YIF1A: variants seen among roughly 807,000 people sequenced by gnomAD.
YIF1A encodes the protein Yip1 interacting factor homolog A, membrane trafficking protein, also known as protein YIF1A.
A neutral mutation model predicts 32.6 loss-of-function variants in YIF1A; 28 were observed. That is an observed-to-expected ratio of 0.86 (90% CI 0.64 to 1.18). The LOEUF is 1.18. Ranked by LOEUF, YIF1A falls within the 50% of genes most tolerant of loss-of-function variation. YIF1A has a pLI of 0.00. For missense variants in YIF1A, 373 were observed against 390.8 expected, an observed-to-expected ratio of 0.95 and a Z score of 0.38; for synonymous variants, 175 against 162.2, an observed-to-expected ratio of 1.08 and a Z score of -0.60.
Position 66,288,238 on chromosome 11 carries a change from G to C in YIF1A, c.86C>G (p.Thr29Arg), listed in dbSNP as rs1402946685. The change falls in exon 2 of 8, where the codon ACA becomes AGA. Residue 29 changes from threonine to arginine, a missense_variant. Thr to Arg is a moderately conservative substitution (Grantham distance 71). Transcript: ENST00000376901. Reference sequence around the variant, plus strand: ...GGGCTGGCTGGAATAACCACCGCTTGTGTCATCGAAGAGGGGAGGGGGATC... The same window carrying C: ...GGGCTGGCTGGAATAACCACCGCTTCTGTCATCGAAGAGGGGAGGGGGATC... ...APDPPPLFDDTSGGYSSQPGG... is the reference protein window; with the variant it reads ...APDPPPLFDDRSGGYSSQPGG... 6.2e-7 allele frequency: 1 copy of C among 1,614,002 alleles called. No individual in the cohort carries two copies. Among genetic ancestry groups the C allele is most frequent in the South Asian group, 1.1e-5 (1 of 91,094 alleles).
At chr11:66,288,007 A>G (rs1347625283) in intron 2 of YIF1A, 74 bp downstream of exon 2, 1 of 1,606,788 alleles carries the variant, frequency 6.2e-7, no homozygotes, top group African/African-American at 1.3e-5. Context: ...CACTGTGAGG[A>G]ATCGGGTGGA....
chr11:66,286,589 T>C lies in YIF1A; in HGVS notation c.428-831A>G, dbSNP rs542051234. Among the ~76,000 whole-genome samples the C allele has an allele frequency of 3.9e-5, 6 of 152,048 alleles. No individual in the cohort carries two copies. In the South Asian group the frequency reaches 1.2e-3, roughly 32 times the overall value. On this transcript the variant is annotated intron_variant, in intron 4 of 7. Transcript: ENST00000376901. The stretch of plus-strand genomic sequence containing the variant: ...CTGCAGTGAGCCAAGATCACACCAC[T>C]GTACTCCAGACTGGGTGACAGAGTG...
At chr11:66,288,856 G>T in intron 1 of YIF1A, 99 bp downstream of exon 1, 1 of 1,332,384 alleles carries the variant, frequency 7.5e-7, no homozygotes, top group South Asian at 1.6e-5. Flanking sequence ...CCCCCGCCCT[G>T]GGCGGCGGTC....
Position 66,287,626 on chromosome 11 carries a change from G to C in YIF1A, c.399C>G (p.Asp133Glu), listed in dbSNP as rs943318452. Residue 133 changes from aspartate to glutamate, a missense_variant, in exon 4 of 8, where the codon GAC (aspartate) becomes GAG (glutamate). By Grantham distance (45) the Asp-to-Glu change is conservative. Transcript: ENST00000376901. ...SRDAPLPPRQ[D>E]LNAPDLYIPT... ...GGATATAGAGGTCAGGGGCGTTGAGGTCTTGCCGGGGGGGCAGAGGAGCAT... is the reference window on the plus strand; with the variant it reads ...GGATATAGAGGTCAGGGGCGTTGAGCTCTTGCCGGGGGGGCAGAGGAGCAT... 1.2e-5 allele frequency: 19 copies of C among 1,613,706 alleles called. No individual in the cohort carries two copies. Among genetic ancestry groups the C allele is most frequent in the Non-Finnish European group, 1.6e-5 (19 of 1,179,988 alleles).
rs748324051 is a variant in YIF1A at position 66,287,634 on chromosome 11, G to C, written c.391C>G (p.Arg131Gly). 26 of 1,612,846 alleles carry C rather than the reference G, an allele frequency of 1.6e-5. No homozygotes were observed. Among genetic ancestry groups the C allele is most frequent in the Middle Eastern group, 1.7e-4 (1 of 6,060 alleles). ...QYSRDAPLPP[R>G]QDLNAPDLYI... ...AGGTCAGGGGCGTTGAGGTCTTGCC[G>C]GGGGGGCAGAGGAGCATCACGACTG... The change falls in exon 4 of 8, where the codon CGG (arginine) becomes GGG (glycine). Residue 131 changes from arginine (R) to glycine (G), a missense_variant. By Grantham distance (125) the Arg-to-Gly change is moderately radical (BLOSUM62 -2). Transcript: ENST00000376901.
At chr11:66,285,856 C>T (rs1857348940) in intron 4 of YIF1A, 98 bp from the exon 5 acceptor site, 1 of 1,362,826 alleles carries the variant, frequency 7.3e-7, no homozygotes, top group African/African-American at 1.4e-5. Context: ...ACTTCCTTCT[C>T]TGAATAGCCC....
intron 2 of YIF1A, 75 bp downstream of exon 2, chr11:66,288,006 G>T: frequency 6.2e-7 from 1 of 1,606,350 alleles, no homozygotes; most frequent in Non-Finnish European, 8.5e-7. Context: ...GCACTGTGAG[G>T]AATCGGGTGG....
intron 4 of YIF1A, chr11:66,287,355 T>C (rs1857371726): frequency 3.6e-6 from 2 of 550,480 alleles, no homozygotes; most frequent in African/African-American, 1.9e-5. Context: ...AGGGATACAG[T>C]CCAAATCAAG....
intron 5 of YIF1A, 82 bp from the exon 6 acceptor site, chr11:66,285,618 C>A (rs762845314): frequency 6.2e-7 from 1 of 1,610,104 alleles, no homozygotes; most frequent in Non-Finnish European, 8.5e-7. Flanking sequence ...AGAGGGTGAG[C>A]TGGGGACCAC....
At chr11:66,287,524 C>T (rs781740524) in intron 4 of YIF1A, 74 bp downstream of exon 4, 1 of 1,483,330 alleles carries the variant, frequency 6.7e-7, no homozygotes, top group South Asian at 1.2e-5. Flanking sequence ...GCCTCTCTTC[C>T]CATTCATCCC....
intron 2 of YIF1A, 57 bp downstream of exon 2, chr11:66,288,024 T>A: frequency 6.2e-7 from 1 of 1,608,668 alleles, no homozygotes; most frequent in Non-Finnish European, 8.5e-7. Context: ...TGGAATCCCA[T>A]GATGCCCCAG....
intron 4 of YIF1A, 72 bp from the exon 5 acceptor site, chr11:66,285,830 C>T: frequency 3.3e-6 from 5 of 1,531,804 alleles, no homozygotes; most frequent in Non-Finnish European, 4.5e-6. Flanking sequence ...CATTCGGGTT[C>T]ACCGACATGT....
In YIF1A at chr11:66,288,999, G is replaced by A. The variant is rs1336308823; in HGVS notation, c.-14C>T. 6.3e-7 allele frequency: 1 copy of A among 1,578,168 alleles called. No homozygotes were observed. Among genetic ancestry groups the A allele is most frequent in the Non-Finnish European group, 8.5e-7 (1 of 1,170,256 alleles). ...GTGATAAGCCATGGCCGCGACGCTCGCTGTCCCCGAGGGCCCGCTGCGCCG... is the reference window on the plus strand; with the variant it reads ...GTGATAAGCCATGGCCGCGACGCTCACTGTCCCCGAGGGCCCGCTGCGCCG... On this transcript the variant is annotated 5_prime_UTR_variant, in exon 1 of 8. Transcript: ENST00000376901.
rs1217131467 is a variant in YIF1A at position 66,287,887 on chromosome 11, G to A, written c.273C>T (p.Leu91=). 1.9e-6 allele frequency: 3 copies of A among 1,613,694 alleles called. No individual in the cohort carries two copies. The African/African-American group carries it at 4.0e-5, about 22-fold the overall frequency. Reference sequence around the variant, plus strand: ...CTGTGTCCACAGCAAAAAAATACTTGAGTTTGCTCACAGACACAAAACGGT... The same window carrying A: ...CTGTGTCCACAGCAAAAAAATACTTAAGTTTGCTCACAGACACAAAACGGT... The part of the protein sequence containing the change: ...ELHRFVSVSK[L]KYFFAVDTAY... The change falls in exon 3 of 8, where the codon CTC becomes CTT. Residue 91 remains leucine (L), a synonymous_variant. Transcript: ENST00000376901.
In YIF1A at chr11:66,288,936, C is replaced by T. The variant is rs771407788; in HGVS notation, c.31+19G>A. 2.7e-6 allele frequency: 4 copies of T among 1,485,014 alleles called. No individual in the cohort carries two copies. The highest frequency in any genetic ancestry group is 3.5e-6 in the Non-Finnish European group (4 of 1,129,076). The allele number at this position is 1,485,014 out of a possible 1,614,324, so 92.0% of individuals were successfully genotyped here. ...CTCCCCCCGCCGGCCGCGCCGCGCC[C>T]CGCCCGCGCCCCACGCACCGTGGGC... On this transcript the variant is annotated intron_variant, in intron 1 of 7. Coordinates refer to ENST00000376901, the MANE Select transcript of YIF1A (RefSeq NM_020470.3).
Position 66,288,114 on chromosome 11 carries a change from G to A in YIF1A, c.210C>T (p.Ile70=), listed in dbSNP as rs770771496. The part of the protein sequence containing the change: ...ANVAMAYGSS[I]ASHGKDMVHK... ...GCACCATGTCCTTCCCATGGGATGC[G>A]ATGGAGCTGCCATAGGCCATAGCCA... The change falls in exon 2 of 8, where the codon ATC becomes ATT. Residue 70 remains isoleucine (I), a synonymous_variant. Coordinates refer to ENST00000376901, the MANE Select transcript of YIF1A (RefSeq NM_020470.3). 1 of 1,613,838 alleles carries A rather than the reference G, an allele frequency of 6.2e-7. No homozygotes were observed. The highest frequency in any genetic ancestry group is 2.2e-5 in the East Asian group (1 of 44,894).
At chr11:66,284,852 G>A (rs566033579) in intron 7 of YIF1A, 21 bp downstream of exon 7, 1 of 1,611,882 alleles carries the variant, frequency 6.2e-7, no homozygotes, top group Non-Finnish European at 8.5e-7. Flanking sequence ...GCAGGGGAAT[G>A]GGGGGGTGCA....
chr11:66,288,720 G>A (rs964904653), intron 1 of YIF1A, among the ~76,000 whole-genome samples: 1 of 152,258 alleles, frequency 6.6e-6, no homozygotes, highest in South Asian at 2.1e-4. Flanking sequence ...ACAGTCAAAG[G>A]AGTTTCTGGA....
Position 66,288,912 on chromosome 11 carries a change from T to TC in YIF1A, c.31+42dup, listed in dbSNP as rs529120066. 247 of 1,449,986 alleles carry TC rather than the reference T, an allele frequency of 1.7e-4. 1 individual carries two copies. In the South Asian group the frequency reaches 3.1e-3, roughly 18 times the overall value. The allele number at this position is 1,449,986 out of a possible 1,614,324, so 89.8% of individuals were successfully genotyped here. A position where few individuals can be genotyped will look rare whatever the true frequency, so the allele number is the denominator to read the frequency against. ...GGTGAGCGGGCCACGCCGCCGACTC[T>TC]CCCCCCGCCGGCCGCGCCGCGCCCC... On this transcript the variant is annotated intron_variant, in intron 1 of 7. Coordinates refer to ENST00000376901, the MANE Select transcript of YIF1A (RefSeq NM_020470.3).
Sources: gnomAD v4.1 joint callset for allele counts (sites outside exome capture counted in the v4.1 genomes callset) on GRCh38, gnomAD v4.1.1 for gene constraint, MANE v1.5 for transcripts, NCBI Gene and HGNC (gene_info 2026-07-23, HGNC 2026-07-21) for gene names.